CFAP36: variants seen among roughly 807,000 people sequenced by gnomAD.
The protein encoded by CFAP36 is cilia- and flagella-associated protein 36.
CFAP36 carries 37 observed loss-of-function variants against 50.5 expected under a neutral mutation model. The observed-to-expected ratio is 0.73, with a 90% confidence interval of 0.56 to 0.96. The LOEUF (loss-of-function observed/expected upper bound fraction) is 0.96, where lower values mean the gene tolerates loss of function less well. Ranked by LOEUF, CFAP36 falls within the 50% of genes least tolerant of loss-of-function variation. The probability of loss-of-function intolerance (pLI) is 0.00; values close to 1 mark genes in which losing one functional copy is unlikely to be tolerated. For missense variants in CFAP36, 407 were observed against 396.2 expected (o/e 1.03, Z -0.23); for synonymous variants, 138 against 128.2 (o/e 1.08, Z -0.52).
At chr2:55,531,132 G>A (rs1401204791) in intron 4 of CFAP36, 6 of 152,202 alleles carry the variant, frequency 3.9e-5, no homozygotes, top group African/African-American at 1.4e-4. Flanking sequence ...AAGAATCCAT[G>A]ACATAGTGCT....
At chr2:55,525,238 A>G (rs1248701354) in intron 3 of CFAP36, among the ~76,000 whole-genome samples, 1 of 152,110 alleles carries the variant, frequency 6.6e-6, no homozygotes, top group Admixed American at 6.6e-5. Context: ...GATTGCTTGA[A>G]GCCAGGGGTT....
rs141071581 is a variant in CFAP36, at chr2:55,534,867, G to A, written c.486-845G>A. On this transcript the variant is annotated intron_variant, in intron 5 of 9. Coordinates refer to ENST00000349456, the MANE Select transcript of CFAP36 (RefSeq NM_080667.7). ...TGGGAAACTATGGCAGGAGCTCCAG[G>A]ATGCAGTGCTTAATTTCGGGGGTTT... 2.4e-4 allele frequency among the ~76,000 whole-genome samples: 36 copies of A among 152,306 alleles called. No homozygotes were observed. The South Asian group carries it at 3.3e-3, about 14-fold the overall frequency.
chr2:55,527,831 A>C (rs1283200554), intron 3 of CFAP36, among the ~76,000 whole-genome samples: 1 of 151,852 alleles, frequency 6.6e-6, no homozygotes. Context: ...ACAAAAGATA[A>C]TTGGAAAAAA....
rs1225456947 is a variant in CFAP36, at chr2:55,544,085, G to A, written c.777+11G>A. Reference sequence around the variant, plus strand: ...GAAGGACCAATAGCAGTAAGTAAACGACATCACTTAAGAACTATAAGCAAA... The same window carrying A: ...GAAGGACCAATAGCAGTAAGTAAACAACATCACTTAAGAACTATAAGCAAA... On this transcript the variant is annotated intron_variant, in intron 8 of 9. Coordinates refer to ENST00000349456, the MANE Select transcript of CFAP36 (RefSeq NM_080667.7). 16 of 1,613,180 alleles carry A rather than the reference G, an allele frequency of 9.9e-6. No individual in the cohort carries two copies. Among genetic ancestry groups the A allele is most frequent in the East Asian group, 4.5e-5 (2 of 44,868 alleles).
At chr2:55,536,335 G>A (rs779971521) in intron 6 of CFAP36, among the ~76,000 whole-genome samples, 1 of 151,982 alleles carries the variant, frequency 6.6e-6, no homozygotes, top group Non-Finnish European at 1.5e-5. Flanking sequence ...GTTTCACCAC[G>A]TTGATCAGGC....
At chr2:55,530,512 A>ATGGAACTCAAAGCCCTATTAACCC (rs1225125564) in intron 4 of CFAP36, among the ~76,000 whole-genome samples, 1 of 152,180 alleles carries the variant, frequency 6.6e-6, no homozygotes, top group Non-Finnish European at 1.5e-5. Context: ...GGAAGACAAA[A>ATGGAACTCAAAGCCCTATTAACCC]TGGAACTCAA....
chr2:55,537,476 C>G lies in CFAP36; in HGVS notation c.538-7C>G, dbSNP rs575819200. 6.3e-7 allele frequency: 1 copy of G among 1,586,762 alleles called. No individual in the cohort carries two copies. Among genetic ancestry groups the G allele is most frequent in the African/African-American group, 1.4e-5 (1 of 73,808 alleles). ...TTTTTAAAAAATTGTATTATGGAAT[C>G]CTGAAGTTATCAGAGGCTAAAACAG... is the stretch of plus-strand genomic sequence containing the variant. On this transcript the variant is annotated splice_region_variant and splice_polypyrimidine_tract_variant and intron_variant, in intron 6 of 9. Transcript: ENST00000349456.
intron 3 of CFAP36, among the ~76,000 whole-genome samples, chr2:55,528,454 G>T (rs1379204946): frequency 6.6e-6 from 1 of 151,808 alleles, no homozygotes; most frequent in Non-Finnish European, 1.5e-5. Flanking sequence ...GAGTGCAGAG[G>T]TGCGATCTTG....
Position 55,541,761 on chromosome 2 carries a change from G to C in CFAP36, c.641-2177G>C, listed in dbSNP as rs561230559. On this transcript the variant is annotated intron_variant, in intron 7 of 9. Transcript: ENST00000349456. ...ATGTTGAATCAGAAAGGTGAGAGAG[G>C]GGACATTTTTGCCTTGTTTCTGATC... 2.6e-5 allele frequency among the ~76,000 whole-genome samples: 4 copies of C among 152,182 alleles called. No individual in the cohort carries two copies. In the South Asian group the frequency reaches 8.3e-4, roughly 32 times the overall value.
chr2:55,543,865 C>T (rs1392757291), intron 7 of CFAP36, 73 bp from the exon 8 acceptor site: 29 of 1,391,212 alleles, frequency 2.1e-5, no homozygotes, highest in South Asian at 2.5e-5. Context: ...TAGCTCATTT[C>T]GGTAAACCTA....
intron 7 of CFAP36, chr2:55,539,366 A>G (rs1007964886): frequency 6.6e-6 from 1 of 152,302 alleles, no homozygotes; most frequent in African/African-American, 2.4e-5. Flanking sequence ...GAAATCATAC[A>G]GTAGTACGTA....
chr2:55,523,097 CA>C (rs1171309942), intron 2 of CFAP36, among the ~76,000 whole-genome samples: 26 of 109,184 alleles, frequency 2.4e-4, no homozygotes, highest in African/African-American at 3.7e-4. Flanking sequence ...GACTCTGTCT[CA>C]AAAAAAAAAA....
intron 7 of CFAP36, among the ~76,000 whole-genome samples, chr2:55,541,007 T>C (rs1684623372): frequency 6.6e-6 from 1 of 151,304 alleles, no homozygotes; most frequent in East Asian, 1.9e-4. Context: ...AGTGAGACCC[T>C]GTCTCAAAAA....
At chr2:55,532,217 A>T (rs1218494202) in intron 4 of CFAP36, among the ~76,000 whole-genome samples, 2 of 152,012 alleles carry the variant, frequency 1.3e-5, no homozygotes, top group Non-Finnish European at 2.9e-5. Context: ...TAAAAAAAAA[A>T]AAAGAAAAAG....
intron 3 of CFAP36, among the ~76,000 whole-genome samples, chr2:55,525,927 G>C (rs997623106): frequency 5.9e-5 from 9 of 152,126 alleles, no homozygotes; most frequent in African/African-American, 2.2e-4. Flanking sequence ...ACGCCCTGCT[G>C]CCCCTTGCTC....
intron 5 of CFAP36, 28 bp from the exon 6 acceptor site, chr2:55,535,684 C>A (rs200468451): frequency 1.9e-5 from 28 of 1,484,276 alleles, no homozygotes; most frequent in Non-Finnish European, 2.1e-5. Flanking sequence ...GGAAATTTAT[C>A]TTTTTATCTT....
At chr2:55,531,615 T>C (rs1183232308) in intron 4 of CFAP36, among the ~76,000 whole-genome samples, 1 of 152,260 alleles carries the variant, frequency 6.6e-6, no homozygotes, top group Non-Finnish European at 1.5e-5. Flanking sequence ...GATTGTACTC[T>C]GGCTGTATTG....
intron 3 of CFAP36, among the ~76,000 whole-genome samples, chr2:55,524,422 ATTTTTTTTTT>A (rs57908457): frequency 4.0e-5 from 4 of 99,372 alleles, no homozygotes; most frequent in Non-Finnish European, 5.6e-5. Context: ...CACATGGCTA[ATTTTTTTTTT>A]TTTTTTTTTT....
chr2:55,525,695 A>G lies in CFAP36; in HGVS notation c.282+1873A>G, dbSNP rs578199065. Among the ~76,000 whole-genome samples the G allele has an allele frequency of 9.2e-5, 14 of 152,102 alleles. No homozygotes were observed. In the East Asian group the frequency reaches 2.7e-3, roughly 29 times the overall value. ...GCTCAGGCTGGAGTGCAATGGCACAATCTCGGCTCACTGCAACCTCCGTCT... is the reference window on the plus strand; with the variant it reads ...GCTCAGGCTGGAGTGCAATGGCACAGTCTCGGCTCACTGCAACCTCCGTCT... On this transcript the variant is annotated intron_variant, in intron 3 of 9. Coordinates refer to ENST00000349456, the MANE Select transcript of CFAP36 (RefSeq NM_080667.7).
Sources: allele counts gnomAD v4.1 joint callset (sites outside exome capture counted in the v4.1 genomes callset), GRCh38; gene constraint gnomAD v4.1.1; transcripts MANE v1.5; gene names NCBI Gene and HGNC (gene_info 2026-07-23, HGNC 2026-07-21).